The following L1TD1 variants were observed in gnomAD, a reference collection of about 807,000 sequenced individuals.
The protein encoded by L1TD1 is LINE-1 type transposase domain-containing protein 1.
L1TD1 carries 26 observed loss-of-function variants against 25.7 expected under a neutral mutation model. The ratio of observed to expected loss-of-function variants is 1.01; its 90% CI spans 0.74 to 1.40. The LOEUF is 1.40. Among genes scored for constraint, L1TD1 ranks in the 40% most tolerant of loss-of-function variants. L1TD1 has a pLI of 0.00. For synonymous variants in L1TD1, 421 were observed against 335.6 expected (o/e 1.25, Z -2.78); for missense variants, 1,130 against 975.0 (o/e 1.16, Z -2.12).
intron 2 of L1TD1, among the ~76,000 whole-genome samples, chr1:62,202,162 T>C (rs1461205982): frequency 1.3e-5 from 2 of 152,058 alleles, no homozygotes; most frequent in East Asian, 3.9e-4. Flanking sequence ...TAGCCAGGCG[T>C]GGTGGCACAT....
rs867770441 is a variant in L1TD1, at chr1:62,206,674, G to A, written c.46G>A (p.Ala16Thr). 2.6e-6 allele frequency: 4 copies of A among 1,547,666 alleles called. No individual in the cohort carries two copies. The African/African-American group carries it at 5.5e-5, about 21-fold the overall frequency. The change falls in exon 3 of 4, where the codon GCA (alanine) becomes ACA (threonine). Residue 16 changes from alanine to threonine, a missense_variant. Coordinates refer to ENST00000498273, the MANE Select transcript of L1TD1 (RefSeq NM_019079.5). The part of the protein sequence containing the change: ...TSVQSKFARL[A>T]KKKENITYMK... ...TGTACAATCAAAATTTGCTAGACTT[G>A]CAAAGAAAAAGGAAAATATCACCTA...
At chr1:62,207,694 G>C in intron 3 of L1TD1, 58 bp downstream of exon 3, 2 of 1,429,358 alleles carry the variant, frequency 1.4e-6, no homozygotes, top group Non-Finnish European at 1.8e-6. Context: ...TAGTAGGCAT[G>C]GTTATTTTGA....
At chr1:62,205,458 G>GTTTTTTTTTTTTT (rs1670728551) in intron 2 of L1TD1, among the ~76,000 whole-genome samples, 1 of 64,752 alleles carries the variant, frequency 1.5e-5, no homozygotes. Flanking sequence ...TTTTTAGACA[G>GTTTTTTTTTTTTT]TCTTGCTGTG....
At chr1:62,198,378 C>T (rs1363898630) in intron 2 of L1TD1, among the ~76,000 whole-genome samples, 4 of 151,368 alleles carry the variant, frequency 2.6e-5, no homozygotes, top group Admixed American at 2.6e-4. Context: ...GATACCACAC[C>T]AAACTTTGGG....
chr1:62,202,864 G>A (rs1440924639), intron 2 of L1TD1, among the ~76,000 whole-genome samples: 1 of 151,806 alleles, frequency 6.6e-6, no homozygotes, highest in Non-Finnish European at 1.5e-5. Flanking sequence ...TGTATTTGTA[G>A]TAGAGACAGG....
At chr1:62,205,443 A>ATAT (rs1553122597) in intron 2 of L1TD1, among the ~76,000 whole-genome samples, 13 of 63,652 alleles carry the variant, frequency 2.0e-4, no homozygotes, top group African/African-American at 7.3e-4. Flanking sequence ...ATATATATAT[A>ATAT]TTTTTTTTTA....
chr1:62,206,959 CA>C lies in L1TD1; in HGVS notation c.337del (p.Thr113GlnfsTer4). 6.2e-7 allele frequency: 1 copy of C among 1,612,776 alleles called. No homozygotes were observed. The highest frequency in any genetic ancestry group is 1.1e-5 in the South Asian group (1 of 90,900). On this transcript the variant is annotated frameshift_variant, in exon 3 of 4. Transcript: ENST00000498273. LOFTEE classifies it high-confidence loss of function. ...TCAGCAAATAATCAATTTAGCATTA[CA>C]AAAAACAGGGATGGTAGGGAAAATA... ...EFQQIINLAL[Q>X]KTGMVGKIEG...
intron 1 of L1TD1, 97 bp from the exon 2 acceptor site, chr1:62,196,338 A>G (rs1670539384): frequency 6.6e-6 from 1 of 152,170 alleles, no homozygotes; most frequent in African/African-American, 2.4e-5. Flanking sequence ...ACACATGCAT[A>G]GATAAGTGCT....
chr1:62,211,221 A>G lies in L1TD1; in HGVS notation c.2447A>G (p.Glu816Gly). Residue 816 changes from glutamate (E) to glycine (G), a missense_variant, in exon 4 of 4, where the codon GAA (glutamate) becomes GGA (glycine). Transcript: ENST00000498273. Reference protein sequence around the residue: ...KWSNVFKVLLEKGFNPRILYP... With the variant: ...KWSNVFKVLLGKGFNPRILYP... Reference sequence around the variant, plus strand: ...AGCAATGTCTTCAAAGTTCTGCTGGAAAAAGGCTTTAATCCTAGAATCCTA... The same window carrying G: ...AGCAATGTCTTCAAAGTTCTGCTGGGAAAAGGCTTTAATCCTAGAATCCTA... The G allele has an allele frequency of 4.5e-6, 7 of 1,561,718 alleles. No individual in the cohort carries two copies. The highest frequency in any genetic ancestry group is 1.9e-5 in the Admixed American group (1 of 51,498).
chr1:62,211,108 A>T lies in L1TD1; in HGVS notation c.2334A>T (p.Arg778Ser), dbSNP rs1231833392. The change falls in exon 4 of 4, where the codon AGA (arginine) becomes AGT (serine). Residue 778 changes from arginine (R) to serine (S), a missense_variant. Coordinates refer to ENST00000498273, the MANE Select transcript of L1TD1 (RefSeq NM_019079.5). ...AAGAGAAAATAATAAGGGCTTCTAGAGAGAGAAGAGAAATTACCTACCAAG... is the reference window on the plus strand; with the variant it reads ...AAGAGAAAATAATAAGGGCTTCTAGTGAGAGAAGAGAAATTACCTACCAAG... ...SDKEKIIRASRERREITYQGT... is the reference protein window; with the variant it reads ...SDKEKIIRASSERREITYQGT... 3.2e-6 allele frequency: 5 copies of T among 1,549,508 alleles called. No individual in the cohort carries two copies. The highest frequency in any genetic ancestry group is 2.0e-5 in the Admixed American group (1 of 50,434).
chr1:62,210,728 C>T lies in L1TD1; in HGVS notation c.1954C>T (p.Leu652=). Residue 652 remains leucine, a synonymous_variant, in exon 4 of 4, where the codon CTG becomes TTG. Coordinates refer to ENST00000498273, the MANE Select transcript of L1TD1 (RefSeq NM_019079.5). ...VLEIENSVDD[L]SSRMDILEER... ...GGAAATTGAAAATTCAGTAGATGATCTGAGTAGCAGAATGGACATACTTGA... is the reference window on the plus strand; with the variant it reads ...GGAAATTGAAAATTCAGTAGATGATTTGAGTAGCAGAATGGACATACTTGA... The T allele has an allele frequency of 6.4e-7, 1 of 1,551,650 alleles. No individual in the cohort carries two copies. The highest frequency in any genetic ancestry group is 8.7e-7 in the Non-Finnish European group (1 of 1,146,994).
Position 62,210,199 on chromosome 1 carries a change from T to G in L1TD1, c.1425T>G (p.Asp475Glu). 3 of 1,613,992 alleles carry G rather than the reference T, an allele frequency of 1.9e-6. No homozygotes were observed. The highest frequency in any genetic ancestry group is 2.5e-6 in the Non-Finnish European group (3 of 1,179,998). The part of the protein sequence containing the change: ...METTFIDSVE[D>E]SESEEEEEGK... ...CTACTTTCATTGACTCTGTAGAGGA[T>G]TCTGAATCAGAGGAGGAAGAAGAAG... The change falls in exon 4 of 4, where the codon GAT becomes GAG. Residue 475 changes from aspartate to glutamate, a missense_variant. Asp to Glu is a conservative substitution (Grantham distance 45). Coordinates refer to ENST00000498273, the MANE Select transcript of L1TD1 (RefSeq NM_019079.5).
Position 62,211,161 on chromosome 1 carries a change from T to G in L1TD1, c.2387T>G (p.Leu796Ter), listed in dbSNP as rs1246719767. Residue 796 changes from leucine (L) to a stop codon, truncating the protein, a stop_gained, in exon 4 of 4, where the codon TTA becomes TGA. Coordinates refer to ENST00000498273, the MANE Select transcript of L1TD1 (RefSeq NM_019079.5). LOFTEE classifies it low-confidence loss of function (END_TRUNC). The part of the protein sequence containing the change: ...QGTRIRLTAD[L>*]SLDTLDARSK... ...ACAAGAATCAGGTTGACAGCAGACT[T>G]ATCACTGGACACACTGGATGCTAGA... The G allele has an allele frequency of 1.3e-6, 2 of 1,550,790 alleles. No individual in the cohort carries two copies. Among genetic ancestry groups the G allele is most frequent in the South Asian group, 2.4e-5 (2 of 83,796 alleles).
chr1:62,210,082 G>A lies in L1TD1; in HGVS notation c.1308G>A (p.Glu436=). The A allele has an allele frequency of 6.2e-7, 1 of 1,613,994 alleles. No homozygotes were observed. The highest frequency in any genetic ancestry group is 8.5e-7 in the Non-Finnish European group (1 of 1,180,002). ...EDEASGLEEE[E]EQTSEQDSTF... The stretch of plus-strand genomic sequence containing the variant: ...AGGCCTCAGGGCTAGAGGAGGAAGA[G>A]GAACAGACTTCAGAACAGGACTCAA... The change falls in exon 4 of 4, where the codon GAG becomes GAA. Residue 436 remains glutamate (E), a synonymous_variant. Coordinates refer to ENST00000498273, the MANE Select transcript of L1TD1 (RefSeq NM_019079.5).
rs762142935 is a variant in L1TD1 at position 62,209,740 on chromosome 1, T to C, written c.1009-43T>C. On this transcript the variant is annotated intron_variant, in intron 3 of 3. Transcript: ENST00000498273. ...TTTAATTCTTTAAAAGACAAATGAT[T>C]TAAACAAATAACTCTTTTTTTTCTT... The C allele has an allele frequency of 8.0e-6, 11 of 1,374,736 alleles. No homozygotes were observed. The South Asian group carries it at 1.7e-4, about 21-fold the overall frequency. 85.2% of individuals were successfully genotyped at this position (1,374,736 alleles called of 1,614,324 possible). A position where few individuals can be genotyped will look rare whatever the true frequency, so the allele number is the denominator to read the frequency against.
Position 62,210,017 on chromosome 1 carries a change from G to C in L1TD1, c.1243G>C (p.Glu415Gln). 11 of 1,600,382 alleles carry C rather than the reference G, an allele frequency of 6.9e-6. No individual in the cohort carries two copies. The highest frequency in any genetic ancestry group is 9.4e-6 in the Non-Finnish European group (11 of 1,170,492). Residue 415 changes from glutamate to glutamine, a missense_variant, in exon 4 of 4, where the codon GAG becomes CAG. Transcript: ENST00000498273. Reference protein sequence around the residue: ...EEEEEPSGLEEEEEEEASGLE... With the variant: ...EEEEEPSGLEQEEEEEASGLE... ...GGAGGAAGAGCCCTCAGGGCTGGAG[G>C]AGGAAGAAGAAGAAGAGGCTTCAGG...
Position 62,211,210 on chromosome 1 carries a change from A to C in L1TD1, c.2436A>C (p.Lys812Asn). The C allele has an allele frequency of 1.3e-6, 2 of 1,555,494 alleles. No individual in the cohort carries two copies. Among genetic ancestry groups the C allele is most frequent in the South Asian group, 1.2e-5 (1 of 84,660 alleles). The part of the protein sequence containing the change: ...DARSKWSNVF[K>N]VLLEKGFNPR... ...GAAGTAAATGGAGCAATGTCTTCAA[A>C]GTTCTGCTGGAAAAAGGCTTTAATC... Residue 812 changes from lysine (K) to asparagine (N), a missense_variant, in exon 4 of 4, where the codon AAA (lysine) becomes AAC (asparagine). By Grantham distance (94) the Lys-to-Asn change is moderately conservative. Coordinates refer to ENST00000498273, the MANE Select transcript of L1TD1 (RefSeq NM_019079.5).
chr1:62,209,655 C>A, intron 3 of L1TD1, 128 bp from the exon 4 acceptor site: 1 of 819,740 alleles, frequency 1.2e-6, no homozygotes, highest in Non-Finnish European at 1.8e-6. Flanking sequence ...AATATTTAAG[C>A]ACTTTTTCAG....
In L1TD1 at chr1:62,209,783, G is replaced by T; in HGVS notation, c.1009G>T (p.Asp337Tyr). ...GRKYGIQEKR[D>Y]KTLIDSKHRA... Reference sequence around the variant, plus strand: ...TTTTTCTTCTTTGTTTAACTTTCAGGATAAAACCCTAATAGACTCAAAGCA... The same window carrying T: ...TTTTTCTTCTTTGTTTAACTTTCAGTATAAAACCCTAATAGACTCAAAGCA... Residue 337 changes from aspartate to tyrosine, a missense_variant and splice_region_variant, in exon 4 of 4, where the codon GAT becomes TAT. Physicochemically the swap from Asp to Tyr is radical, Grantham distance 160. Transcript: ENST00000498273. 1.3e-6 allele frequency: 2 copies of T among 1,513,310 alleles called. No individual in the cohort carries two copies. The highest frequency in any genetic ancestry group is 1.8e-6 in the Non-Finnish European group (2 of 1,122,030). The allele number at this position is 1,513,310 out of a possible 1,614,324, so 93.7% of individuals were successfully genotyped here.
Sources: allele counts gnomAD v4.1 joint callset (sites outside exome capture counted in the v4.1 genomes callset), GRCh38; gene constraint gnomAD v4.1.1; transcripts MANE v1.5; gene names NCBI Gene and HGNC (gene_info 2026-07-23, HGNC 2026-07-21).